The following PPARGC1A variants were observed in gnomAD, a reference collection of about 807,000 sequenced individuals.
The protein encoded by PPARGC1A is peroxisome proliferator-activated receptor gamma coactivator 1-alpha.
Under a neutral mutation model 88.7 loss-of-function variants are expected in PPARGC1A, and 25 were observed. That is an observed-to-expected ratio of 0.28 (90% confidence interval 0.21 to 0.39). PPARGC1A has a LOEUF of 0.39. Ranked by LOEUF, PPARGC1A falls within the 10% of genes least tolerant of loss-of-function variation. PPARGC1A has a pLI of 1.00. For synonymous variants in PPARGC1A, 363 were observed against 355.6 expected (o/e 1.02, Z -0.24); for missense variants, 880 against 968.7 (o/e 0.91, Z 1.22).
At chr4:24,218,020 T>A in the PPARGC1A span, among the ~76,000 whole-genome samples, 1 of 152,196 alleles carries the variant, frequency 6.6e-6, no homozygotes, top group South Asian at 2.1e-4. Flanking sequence ...AAAAGGAAGG[T>A]ACTTGTAATA....
chr4:24,299,066 C>G, the PPARGC1A span, among the ~76,000 whole-genome samples: 1 of 152,054 alleles, frequency 6.6e-6, no homozygotes, highest in East Asian at 1.9e-4. Flanking sequence ...GTCTCATTAC[C>G]AAGAAGGGGA....
the PPARGC1A span, among the ~76,000 whole-genome samples, chr4:24,424,299 A>G: frequency 5.0e-4 from 40 of 80,000 alleles, no homozygotes; most frequent in African/African-American, 1.6e-3. Context: ...TTTTTGAGAC[A>G]GAGTCTCGCT....
intron 2 of PPARGC1A, among the ~76,000 whole-genome samples, chr4:23,864,499 C>A (rs567217515): frequency 3.9e-5 from 6 of 152,216 alleles, no homozygotes; most frequent in Admixed American, 2.6e-4. Flanking sequence ...AGCAACCAGC[C>A]CTGGCAGGGG....
At chr4:23,844,165 A>G (rs921952381) in intron 2 of PPARGC1A, among the ~76,000 whole-genome samples, 2 of 150,102 alleles carry the variant, frequency 1.3e-5, no homozygotes, top group African/African-American at 4.9e-5. Flanking sequence ...TACAGTATAC[A>G]TATGTGTGTA....
chr4:23,857,926 G>T (rs1730504083), intron 2 of PPARGC1A, among the ~76,000 whole-genome samples: 1 of 151,410 alleles, frequency 6.6e-6, no homozygotes, highest in African/African-American at 2.4e-5. Context: ...TCTGCTTGAG[G>T]AAGCTAGAGT....
At chr4:23,972,345 T>A in the PPARGC1A span, among the ~76,000 whole-genome samples, 1 of 152,166 alleles carries the variant, frequency 6.6e-6, no homozygotes, top group Non-Finnish European at 1.5e-5. Context: ...AAAGAACAGA[T>A]GTGCAAGACA....
the PPARGC1A span, among the ~76,000 whole-genome samples, chr4:24,214,844 G>C: frequency 6.6e-6 from 1 of 152,144 alleles, no homozygotes; most frequent in Non-Finnish European, 1.5e-5. Flanking sequence ...AGTAATGCCC[G>C]AGACCAAAAG....
the PPARGC1A span, among the ~76,000 whole-genome samples, chr4:23,932,387 A>C: frequency 1.5e-4 from 23 of 152,184 alleles, no homozygotes; most frequent in Non-Finnish European, 2.2e-4. Context: ...ATCGAAGTGC[A>C]GACGTCTCCA....
the PPARGC1A span, among the ~76,000 whole-genome samples, chr4:24,306,962 C>T: frequency 9.6e-3 from 1,457 of 152,278 alleles, 24 homozygotes; most frequent in African/African-American, 0.033. Context: ...AAAATTGAAT[C>T]GCTTTCATTA....
the PPARGC1A span, among the ~76,000 whole-genome samples, chr4:24,424,986 G>A: frequency 1.3e-5 from 2 of 152,124 alleles, no homozygotes; most frequent in Non-Finnish European, 2.9e-5. Flanking sequence ...TTTTCTGAGA[G>A]CAAGCAAATA....
At chr4:23,984,299 G>A in the PPARGC1A span, among the ~76,000 whole-genome samples, 2 of 151,824 alleles carry the variant, frequency 1.3e-5, no homozygotes, top group Non-Finnish European at 2.9e-5. Flanking sequence ...CTCCTTCATG[G>A]TGCTTCTCAC....
chr4:24,455,649 G>T, the PPARGC1A span, among the ~76,000 whole-genome samples: 10 of 152,174 alleles, frequency 6.6e-5, no homozygotes, highest in South Asian at 4.1e-4. Context: ...TGTGATGAAG[G>T]CCCTGCTCTC....
At chr4:24,016,126 A>C in the PPARGC1A span, among the ~76,000 whole-genome samples, 1 of 152,216 alleles carries the variant, frequency 6.6e-6, no homozygotes, top group Non-Finnish European at 1.5e-5. Flanking sequence ...TTAAGCAAGG[A>C]AACAGTTTGT....
chr4:24,127,711 A>G, the PPARGC1A span, among the ~76,000 whole-genome samples: 1 of 152,010 alleles, frequency 6.6e-6, no homozygotes, highest in Non-Finnish European at 1.5e-5. Context: ...GAGGACAGTT[A>G]CCTCCTTCTT....
At chr4:24,040,891 C>G in the PPARGC1A span, among the ~76,000 whole-genome samples, 2 of 152,152 alleles carry the variant, frequency 1.3e-5, no homozygotes, top group Non-Finnish European at 2.9e-5. Context: ...CTGATTCTCT[C>G]ATGTTCACCG....
the PPARGC1A span, among the ~76,000 whole-genome samples, chr4:24,461,206 G>A: frequency 3.3e-5 from 5 of 152,210 alleles, no homozygotes; most frequent in African/African-American, 7.2e-5. Flanking sequence ...TGCAGCGTAA[G>A]CCACAATGGC....
chr4:23,987,949 C>A, the PPARGC1A span, among the ~76,000 whole-genome samples: 3,364 of 151,656 alleles, frequency 0.022, 151 homozygotes, highest in African/African-American at 0.077. Flanking sequence ...AGCCCACCCA[C>A]CCCCCAACAG....
At chr4:24,340,052 T>C in the PPARGC1A span, among the ~76,000 whole-genome samples, 1 of 152,124 alleles carries the variant, frequency 6.6e-6, no homozygotes, top group African/African-American at 2.4e-5. Context: ...TTTTAAAAAA[T>C]AGAAATTTCT....
chr4:24,156,491 G>A, the PPARGC1A span, among the ~76,000 whole-genome samples: 1 of 152,074 alleles, frequency 6.6e-6, no homozygotes, highest in African/African-American at 2.4e-5. Flanking sequence ...CTGTCAAGGG[G>A]TGGAGAAGAT....
Sources: allele counts gnomAD v4.1 joint callset (sites outside exome capture counted in the v4.1 genomes callset), GRCh38; gene constraint gnomAD v4.1.1; transcripts MANE v1.5; gene names NCBI Gene and HGNC (gene_info 2026-07-23, HGNC 2026-07-21).